Variants in HDGFL2 observed in about 807,000 individuals in gnomAD.
HDGFL2 encodes hepatoma-derived growth factor-related protein 2.
In HDGFL2, 36 loss-of-function variants were observed where a neutral mutation model predicts 77.1. The ratio of observed to expected loss-of-function variants is 0.47; its 90% CI spans 0.36 to 0.62. HDGFL2 has a LOEUF of 0.62. Among genes scored for constraint, HDGFL2 ranks in the 20% least tolerant of loss-of-function variants. The pLI is 0.00. For synonymous variants in HDGFL2, 463 were observed against 413.1 expected, an observed-to-expected ratio of 1.12 and a Z score of -1.46; for missense variants, 976 against 973.4, an observed-to-expected ratio of 1.00 and a Z score of -0.04.
rs1491457793 is a variant in HDGFL2, at chr19:4,492,802, CTG to C, written c.679-895_679-894del. Among the ~76,000 whole-genome samples, 5 of 130,876 alleles carry C rather than the reference CTG, an allele frequency of 3.8e-5. No individual in the cohort carries two copies. In the South Asian group the frequency reaches 7.5e-4, roughly 20 times the overall value. The allele number at this position is 130,876 out of a possible 152,430, so 85.9% of individuals were successfully genotyped here. Reference sequence around the variant, plus strand: ...GGTGTGTCTGGTGTGTGTTTCTGGTCTGTGTGTTATGTGTGGTCTGTGTGTGT... The same window carrying C: ...GGTGTGTCTGGTGTGTGTTTCTGGTCTGTGTTATGTGTGGTCTGTGTGTGT... On this transcript the variant is annotated intron_variant, in intron 6 of 15. Transcript: ENST00000616600.
In HDGFL2 at chr19:4,491,753, C is replaced by T; in HGVS notation, c.607-11C>T. On this transcript the variant is annotated splice_polypyrimidine_tract_variant and intron_variant, in intron 5 of 15. Coordinates refer to ENST00000616600, the MANE Select transcript of HDGFL2 (RefSeq NM_001001520.3). ...CAGTGGGCCCCAGTTCAGCTCACTT[C>T]TCTCCCCCAGGACTTCACACCTGAG... 6.2e-7 allele frequency: 1 copy of T among 1,613,972 alleles called. No individual in the cohort carries two copies. The highest frequency in any genetic ancestry group is 8.5e-7 in the Non-Finnish European group (1 of 1,179,992).
chr19:4,500,384 G>A lies in HDGFL2; in HGVS notation c.1789+680G>A, dbSNP rs182829726. ...TCACTGCAACCTTGACTTCCTGGGC[G>A]CAAGCCATCCTCCACCTCAGCCTCC... On this transcript the variant is annotated intron_variant, in intron 14 of 15. Transcript: ENST00000616600. 8.6e-5 allele frequency among the ~76,000 whole-genome samples: 13 copies of A among 150,800 alleles called. No individual in the cohort carries two copies. The East Asian group carries it at 1.8e-3, about 20-fold the overall frequency.
In HDGFL2 at chr19:4,489,452, G is replaced by A. The variant is rs529006888; in HGVS notation, c.489+576G>A. Among the ~76,000 whole-genome samples the A allele has an allele frequency of 1.1e-3, 163 of 151,542 alleles. 2 individuals are homozygous for A. The highest frequency in any genetic ancestry group is 3.7e-3 in the African/African-American group (151 of 41,220). ...CGGAGTCTCATTCTGTTGCCAGGCT[G>A]GAGTGCGGTGGCACGATCTCAGCTC... On this transcript the variant is annotated intron_variant, in intron 4 of 15. Transcript: ENST00000616600.
chr19:4,501,347 T>C (rs1265977170), intron 15 of HDGFL2, 30 bp downstream of exon 15: 1 of 1,557,000 alleles, frequency 6.4e-7, no homozygotes. Context: ...GGGTTTGGAC[T>C]CCTGAGCGGC....
In HDGFL2 at chr19:4,493,721, G is replaced by A. The variant is rs1236321945; in HGVS notation, c.697G>A (p.Asp233Asn). The change falls in exon 7 of 16, where the codon GAC becomes AAC. Residue 233 changes from aspartate to asparagine, a missense_variant. Asp to Asn is a conservative substitution (Grantham distance 23). This residue lies in a region of HDGFL2 where 567 missense variants were observed against 534.7 expected (regional missense o/e 1.06). Transcript: ENST00000616600. Reference protein sequence around the residue: ...RKKKKAPSASDSDSKADSDGA... With the variant: ...RKKKKAPSASNSDSKADSDGA... ...TCCCCAGAAGGCGCCATCAGCCTCC[G>A]ACTCCGACTCCAAGGCCGATTCGGA... 16 of 1,480,984 alleles carry A rather than the reference G, an allele frequency of 1.1e-5. No homozygotes were observed. The highest frequency in any genetic ancestry group is 1.4e-5 in the African/African-American group (1 of 70,618). The allele number at this position is 1,480,984 out of a possible 1,614,324, so 91.7% of individuals were successfully genotyped here.
intron 3 of HDGFL2, among the ~76,000 whole-genome samples, chr19:4,476,855 G>C (rs1335072805): frequency 6.6e-6 from 1 of 151,854 alleles, no homozygotes; most frequent in Admixed American, 6.6e-5. Context: ...TCTTTCCTCT[G>C]CTTTAACCAC....
At chr19:4,483,207 GGAGACAAAACGTGCTCGGGCC>G (rs1975265760) in intron 3 of HDGFL2, among the ~76,000 whole-genome samples, 1 of 152,224 alleles carries the variant, frequency 6.6e-6, no homozygotes, top group Non-Finnish European at 1.5e-5. Flanking sequence ...AAGACACAAG[GGAGACAAAACGTGCTCGGGCC>G]GAGCGGTGAC....
At chr19:4,498,564 T>C (rs1340676331) in intron 12 of HDGFL2, among the ~76,000 whole-genome samples, 188 bp downstream of exon 12, 1 of 151,948 alleles carries the variant, frequency 6.6e-6, no homozygotes, top group Non-Finnish European at 1.5e-5. Context: ...GGTCCTGACA[T>C]GCAGCACCCA....
intron 6 of HDGFL2, 76 bp downstream of exon 6, chr19:4,491,911 AG>A (rs2145193900): frequency 1.5e-6 from 2 of 1,333,178 alleles, no homozygotes; most frequent in Admixed American, 1.8e-5. Flanking sequence ...TCCCCAGGGC[AG>A]GGCGGGCCAT....
At position 4,501,995 on chromosome 19, in the gene HDGFL2, G is replaced by A. The variant is rs1975913506; in HGVS notation, c.2001G>A (p.Leu667=). 2 of 1,516,962 alleles carry A rather than the reference G, an allele frequency of 1.3e-6. No individual in the cohort carries two copies. The highest frequency in any genetic ancestry group is 2.8e-5 in the African/African-American group (2 of 71,130). 94.0% of individuals were successfully genotyped at this position (1,516,962 alleles called of 1,614,324 possible). A position where few individuals can be genotyped will look rare whatever the true frequency, so the allele number is the denominator to read the frequency against. ...GGGCACGGGGGGACTCGGAGGCCCTGGACGAGGAGAGCTGAGCCGCGGGCA... is the reference window on the plus strand; with the variant it reads ...GGGCACGGGGGGACTCGGAGGCCCTAGACGAGGAGAGCTGAGCCGCGGGCA... ...RERARGDSEA[L]DEES Residue 667 remains leucine, a synonymous_variant, in exon 16 of 16, where the codon CTG becomes CTA. Transcript: ENST00000616600.
chr19:4,472,480 C>A (rs1206862770), intron 1 of HDGFL2, 58 bp downstream of exon 1: 2 of 1,007,748 alleles, frequency 2.0e-6, no homozygotes, highest in Non-Finnish European at 2.5e-6. Context: ...GCGGGGGCCC[C>A]GGGCCGGAGG....
intron 15 of HDGFL2, chr19:4,501,609 G>A (rs4807594): frequency 0.85 from 386,642 of 456,676 alleles, 165,922 homozygotes; most frequent in Non-Finnish European, 0.89. Context: ...CCCCGAGCAC[G>A]GGCACCCGGC....
chr19:4,494,970 G>A (rs959494530), intron 9 of HDGFL2, among the ~76,000 whole-genome samples: 1 of 151,998 alleles, frequency 6.6e-6, no homozygotes, highest in Non-Finnish European at 1.5e-5. Context: ...AGGGTAGTGC[G>A]TGCTGTCCGG....
intron 3 of HDGFL2, among the ~76,000 whole-genome samples, chr19:4,483,787 A>ATTTTTTT (rs5826851): frequency 2.0e-5 from 2 of 100,504 alleles, no homozygotes; most frequent in African/African-American, 4.1e-5. Context: ...TTGTTTCATG[A>ATTTTTTT]TTTTTTTTTT....
rs987376509 is a variant in HDGFL2, at chr19:4,495,015, T to TG, written c.1224+546dup. Among the ~76,000 whole-genome samples the TG allele has an allele frequency of 6.6e-5, 10 of 151,690 alleles. No individual in the cohort carries two copies. In the East Asian group the frequency reaches 7.8e-4, roughly 12 times the overall value. On this transcript the variant is annotated intron_variant, in intron 9 of 15. Transcript: ENST00000616600. ...TGCTAAGGAGAAGAGTAAAGTGGGG[T>TG]GGGGGGTTTCTCTTTTAAATAGAGT...
In HDGFL2 at chr19:4,502,142, TCCTG is replaced by T. The variant is rs1975925738; in HGVS notation, c.*136_*139del. ...GTATTTGTTCCCTTGGGTTTTTTTT[TCCTG>T]CCTAATTTCTGTGATTTCCAACCAA... On this transcript the variant is annotated 3_prime_UTR_variant, in exon 16 of 16. Coordinates refer to ENST00000616600, the MANE Select transcript of HDGFL2 (RefSeq NM_001001520.3). 2 of 727,010 alleles carry T rather than the reference TCCTG, an allele frequency of 2.8e-6. No individual in the cohort carries two copies. Among genetic ancestry groups the T allele is most frequent in the Non-Finnish European group, 4.8e-6 (2 of 413,074 alleles). The allele number at this position is 727,010 out of a possible 1,614,324, so 45.0% of individuals were successfully genotyped here. A position where few individuals can be genotyped will look rare whatever the true frequency, so the allele number is the denominator to read the frequency against.
rs776761014 is a variant in HDGFL2 at position 4,496,382 on chromosome 19, G to T, written c.1305G>T (p.Arg435=). The T allele has an allele frequency of 1.9e-5, 31 of 1,613,934 alleles. No individual in the cohort carries two copies. The highest frequency in any genetic ancestry group is 2.6e-5 in the Non-Finnish European group (31 of 1,179,904). The change falls in exon 10 of 16, where the codon CGG becomes CGT. Residue 435 remains arginine, a synonymous_variant. Coordinates refer to ENST00000616600, the MANE Select transcript of HDGFL2 (RefSeq NM_001001520.3). The part of the protein sequence containing the change: ...RKPGQKEKRV[R]PEEKQQAKPV... ...CTGGCCAGAAGGAGAAGAGAGTGCGGCCCGAGGAGAAGCAACAAGCCAAGT... is the reference window on the plus strand; with the variant it reads ...CTGGCCAGAAGGAGAAGAGAGTGCGTCCCGAGGAGAAGCAACAAGCCAAGT...
chr19:4,495,385 CAA>C (rs747305046), intron 9 of HDGFL2, among the ~76,000 whole-genome samples: 4 of 54,228 alleles, frequency 7.4e-5, no homozygotes, highest in African/African-American at 3.3e-4. Context: ...GACTCCATCT[CAA>C]AAAAAAAAAA....
chr19:4,488,666 A>T lies in HDGFL2; in HGVS notation c.289-10A>T. On this transcript the variant is annotated splice_polypyrimidine_tract_variant and intron_variant, in intron 3 of 15. Transcript: ENST00000616600. ...GTGGTGACGCGCGTTCTCTGCCCCGACTCCCACAGCCAGTGAGCTCCTCCG... is the reference window on the plus strand; with the variant it reads ...GTGGTGACGCGCGTTCTCTGCCCCGTCTCCCACAGCCAGTGAGCTCCTCCG... The T allele has an allele frequency of 6.5e-7, 1 of 1,538,564 alleles. No individual in the cohort carries two copies. Among genetic ancestry groups the T allele is most frequent in the Non-Finnish European group, 8.7e-7 (1 of 1,146,086 alleles).
Sources: allele counts gnomAD v4.1 joint callset (sites outside exome capture counted in the v4.1 genomes callset), GRCh38; gene constraint gnomAD v4.1.1; regional missense constraint gnomAD v4.1.1; transcripts MANE v1.5; gene names NCBI Gene and HGNC (gene_info 2026-07-23, HGNC 2026-07-21).